Variants in GNAQ observed in about 807,000 individuals in gnomAD.
GNAQ encodes the protein G protein subunit alpha q.
Under a neutral mutation model 43.9 loss-of-function variants are expected in GNAQ, and 8 were observed. The observed-to-expected ratio is 0.18, with a 90% CI of 0.11 to 0.33. The LOEUF is 0.33. GNAQ is among the 10% of genes least tolerant of loss of function. The pLI is 1.00. For synonymous variants in GNAQ, 155 were observed against 170.7 expected, an observed-to-expected ratio of 0.91 and a Z score of 0.71; for missense variants, 158 against 450.8, an observed-to-expected ratio of 0.35 and a Z score of 5.88.
intron 1 of GNAQ, among the ~76,000 whole-genome samples, chr9:77,937,547 T>G (rs944932141): frequency 2.0e-5 from 3 of 152,194 alleles, no homozygotes; most frequent in African/African-American, 7.2e-5. Flanking sequence ...ATTTGGGTAA[T>G]GAGACTTTTA....
rs908855178 is a variant in GNAQ at position 77,720,925 on chromosome 9, A to T, written c.*398T>A. On this transcript the variant is annotated 3_prime_UTR_variant, in exon 7 of 7. Coordinates refer to ENST00000286548, the MANE Select transcript of GNAQ (RefSeq NM_002072.5). ...AAGGCCATTGTAACCTGGGAAAAAC[A>T]TCAGGAGGGAGGTATGAATTAGCGG... The T allele has an allele frequency of 1.2e-5, 3 of 240,772 alleles. No individual in the cohort carries two copies. Among genetic ancestry groups the T allele is most frequent in the Non-Finnish European group, 2.4e-5 (3 of 123,176 alleles). 14.9% of individuals were successfully genotyped at this position (240,772 alleles called of 1,614,324 possible).
At chr9:78,001,748 A>T (rs1032185139) in intron 1 of GNAQ, among the ~76,000 whole-genome samples, 1 of 152,162 alleles carries the variant, frequency 6.6e-6, no homozygotes, top group Admixed American at 6.5e-5. Flanking sequence ...CCATAAAAGA[A>T]GGTATTATTT....
intron 2 of GNAQ, among the ~76,000 whole-genome samples, chr9:77,885,374 GC>G (rs1215594682): frequency 6.6e-6 from 1 of 152,170 alleles, no homozygotes; most frequent in African/African-American, 2.4e-5. Flanking sequence ...TTCTAAGTGA[GC>G]TTTGCTGAAA....
At position 77,981,647 on chromosome 9, in the gene GNAQ, A is replaced by G. The variant is rs372061121; in HGVS notation, c.136+49453T>C. Reference sequence around the variant, plus strand: ...AGGCTGAGGTGTCTTTAAAATACTTATCCCTTTTGACAACCTTATCTTAAA... The same window carrying G: ...AGGCTGAGGTGTCTTTAAAATACTTGTCCCTTTTGACAACCTTATCTTAAA... On this transcript the variant is annotated intron_variant, in intron 1 of 6. Coordinates refer to ENST00000286548, the MANE Select transcript of GNAQ (RefSeq NM_002072.5). Among the ~76,000 whole-genome samples, 17 of 152,272 alleles carry G rather than the reference A, an allele frequency of 1.1e-4. No homozygotes were observed. In the East Asian group the frequency reaches 1.9e-3, roughly 17 times the overall value.
intron 2 of GNAQ, among the ~76,000 whole-genome samples, chr9:77,823,106 A>AT (rs1385864265): frequency 1.3e-5 from 2 of 151,822 alleles, no homozygotes; most frequent in Admixed American, 1.3e-4. Flanking sequence ...CGCCCGGCTA[A>AT]TTTTTTGTAT....
chr9:77,952,035 A>G (rs1822984736), intron 1 of GNAQ, among the ~76,000 whole-genome samples: 1 of 152,212 alleles, frequency 6.6e-6, no homozygotes, highest in Non-Finnish European at 1.5e-5. Context: ...CCAGCAGGAT[A>G]ATCATGAGTG....
rs191383839 is a variant in GNAQ at position 77,919,463 on chromosome 9, G to A, written c.321+2698C>T. On this transcript the variant is annotated intron_variant, in intron 2 of 6. Coordinates refer to ENST00000286548, the MANE Select transcript of GNAQ (RefSeq NM_002072.5). ...GAACAGTAGGATTACTTAGCACTATGAGGGGCTGGGAAGCTATCAGAGAAC... is the reference window on the plus strand; with the variant it reads ...GAACAGTAGGATTACTTAGCACTATAAGGGGCTGGGAAGCTATCAGAGAAC... Among the ~76,000 whole-genome samples, 53 of 152,218 alleles carry A rather than the reference G, an allele frequency of 3.5e-4. 1 individual carries two copies. Among genetic ancestry groups the A allele is most frequent in the Admixed American group, 2.6e-3 (40 of 15,296 alleles).
At chr9:77,795,189 T>C (rs1446631810) in intron 4 of GNAQ, among the ~76,000 whole-genome samples, 3 of 152,170 alleles carry the variant, frequency 2.0e-5, no homozygotes, top group Non-Finnish European at 4.4e-5. Flanking sequence ...TCCAGTCATG[T>C]CAGGTCACTT....
intron 2 of GNAQ, among the ~76,000 whole-genome samples, chr9:77,843,282 A>G (rs1303492704): frequency 6.6e-6 from 1 of 152,162 alleles, no homozygotes. Context: ...TGGGTGGAGC[A>G]TTAGGCGGGA....
chr9:77,965,174 CAT>C (rs1453343083), intron 1 of GNAQ, among the ~76,000 whole-genome samples: 1 of 152,094 alleles, frequency 6.6e-6, no homozygotes, highest in Non-Finnish European at 1.5e-5. Context: ...TCAATCACAA[CAT>C]AAACACCAAC....
At chr9:78,030,689 C>T (rs1824041157) in intron 1 of GNAQ, 1 of 401,576 alleles carries the variant, frequency 2.5e-6, no homozygotes, top group African/African-American at 2.1e-5. Flanking sequence ...CCCACGCCAC[C>T]ACCCCATGGG....
At chr9:77,838,644 C>T (rs1039300023) in intron 2 of GNAQ, among the ~76,000 whole-genome samples, 1 of 151,988 alleles carries the variant, frequency 6.6e-6, no homozygotes, top group African/African-American at 2.4e-5. Flanking sequence ...TCTCAAACTC[C>T]TGACCTCAGG....
chr9:77,932,138 T>G (rs1019975240), intron 1 of GNAQ, among the ~76,000 whole-genome samples: 1 of 152,218 alleles, frequency 6.6e-6, no homozygotes, highest in Non-Finnish European at 1.5e-5. Flanking sequence ...CAGTGGCAAG[T>G]GCTTTTATTC....
intron 1 of GNAQ, among the ~76,000 whole-genome samples, chr9:77,957,600 A>G (rs1242421913): frequency 1.3e-5 from 2 of 152,174 alleles, no homozygotes; most frequent in Non-Finnish European, 2.9e-5. Flanking sequence ...GGTCAGATTC[A>G]CAGAGGCAAT....
At chr9:77,828,911 A>G (rs1827251516) in intron 2 of GNAQ, among the ~76,000 whole-genome samples, 1 of 152,230 alleles carries the variant, frequency 6.6e-6, no homozygotes, top group Non-Finnish European at 1.5e-5. Context: ...TACACATTCA[A>G]ACATGGCTAA....
chr9:77,913,622 T>C (rs1828844688), intron 2 of GNAQ, among the ~76,000 whole-genome samples: 1 of 152,186 alleles, frequency 6.6e-6, no homozygotes. Flanking sequence ...AAACACAATG[T>C]TGAGTAAAAT....
rs188245407 is a variant in GNAQ, at chr9:77,845,292, T to C, written c.322-29522A>G. Among the ~76,000 whole-genome samples, 20 of 152,312 alleles carry C rather than the reference T, an allele frequency of 1.3e-4. No homozygotes were observed. The East Asian group carries it at 3.3e-3, about 25-fold the overall frequency. ...CACTGGCAAGTGTCAGAAGCAATTGTTGAACCTAAGTTGGAGCTGGAACTT... is the reference window on the plus strand; with the variant it reads ...CACTGGCAAGTGTCAGAAGCAATTGCTGAACCTAAGTTGGAGCTGGAACTT... On this transcript the variant is annotated intron_variant, in intron 2 of 6. Transcript: ENST00000286548.
intron 3 of GNAQ, among the ~76,000 whole-genome samples, chr9:77,802,648 G>C (rs1826764616): frequency 6.6e-6 from 1 of 152,146 alleles, no homozygotes; most frequent in South Asian, 2.1e-4. Flanking sequence ...ATTCTGAGTG[G>C]CTGTTGAGGT....
intron 3 of GNAQ, among the ~76,000 whole-genome samples, chr9:77,814,198 C>T (rs999866503): frequency 1.3e-5 from 2 of 152,062 alleles, no homozygotes; most frequent in African/African-American, 2.4e-5. Context: ...GAGCTGAATG[C>T]ATCTTTTTCA....
Sources: allele counts gnomAD v4.1 joint callset (sites outside exome capture counted in the v4.1 genomes callset), GRCh38; gene constraint gnomAD v4.1.1; transcripts MANE v1.5; gene names NCBI Gene and HGNC (gene_info 2026-07-23, HGNC 2026-07-21).